The following TMEM178A variants were observed in gnomAD, a reference collection of about 807,000 sequenced individuals.
TMEM178A encodes transmembrane protein 178.
Under a neutral mutation model 29.1 loss-of-function variants are expected in TMEM178A, and 12 were observed. The observed-to-expected ratio is 0.41, with a 90% CI of 0.26 to 0.67. The LOEUF is 0.67. TMEM178A is among the 30% of genes least tolerant of loss of function. TMEM178A has a pLI of 0.29. For missense variants in TMEM178A, 366 were observed against 419.1 expected (o/e 0.87, Z 1.11); for synonymous variants, 210 against 187.2 (o/e 1.12, Z -0.99).
chr2:39,706,942 C>T, intron 2 of TMEM178A, 107 bp from the exon 3 acceptor site: 1 of 1,334,052 alleles, frequency 7.5e-7, no homozygotes, highest in Non-Finnish European at 1.0e-6. Context: ...CTAAGCCTGT[C>T]CATGTAACTT....
intron 1 of TMEM178A, among the ~76,000 whole-genome samples, chr2:39,698,964 G>C (rs1671668824): frequency 6.7e-6 from 1 of 150,222 alleles, no homozygotes; most frequent in Non-Finnish European, 1.5e-5. Context: ...TTTTCACTGT[G>C]TTCTCTTAAG....
At chr2:39,690,091 G>A (rs1671249333) in intron 1 of TMEM178A, among the ~76,000 whole-genome samples, 1 of 152,196 alleles carries the variant, frequency 6.6e-6, no homozygotes, top group Non-Finnish European at 1.5e-5. Context: ...AAGGGGATTG[G>A]CATGTTTGAA....
At chr2:39,692,515 A>G (rs924734855) in intron 1 of TMEM178A, among the ~76,000 whole-genome samples, 2 of 152,258 alleles carry the variant, frequency 1.3e-5, no homozygotes, top group African/African-American at 2.4e-5. Flanking sequence ...AAAATTGGAG[A>G]AAAAAAGACA....
At chr2:39,689,971 C>T (rs1671243608) in intron 1 of TMEM178A, among the ~76,000 whole-genome samples, 1 of 152,146 alleles carries the variant, frequency 6.6e-6, no homozygotes, top group Non-Finnish European at 1.5e-5. Context: ...ACCACCTTGG[C>T]CTGTGATTTT....
intron 3 of TMEM178A, among the ~76,000 whole-genome samples, chr2:39,712,026 T>A (rs1313142784): frequency 7.0e-6 from 1 of 142,974 alleles, no homozygotes; most frequent in African/African-American, 2.5e-5. Context: ...GCTTTTGGGA[T>A]TTAGGAATTG....
the TMEM178A span, among the ~76,000 whole-genome samples, chr2:39,724,901 T>A: frequency 3.8e-4 from 58 of 152,360 alleles, no homozygotes; most frequent in African/African-American, 1.3e-3. Context: ...TACAGGACTC[T>A]GTGGTGACGA....
rs543379742 is a variant in TMEM178A at position 39,704,206 on chromosome 2, C to T, written c.514+12C>T. On this transcript the variant is annotated intron_variant, in intron 2 of 3. Transcript: ENST00000281961. ...GTGGCACCTGCTTCGTAAGTATTTC[C>T]AGGAGAGGTTCAGAGAGGAAATGGT... 1.2e-6 allele frequency: 2 copies of T among 1,608,952 alleles called. No individual in the cohort carries two copies. Among genetic ancestry groups the T allele is most frequent in the Middle Eastern group, 1.7e-4 (1 of 6,056 alleles).
rs1347468585 is a variant in TMEM178A, at chr2:39,681,582, T to C, written c.400+15208T>C. ...TCGAATTGGTGTCTTGATTTGGAAA[T>C]ATGTTTCTTAGAATTTTTTTTTATT... On this transcript the variant is annotated intron_variant, in intron 1 of 3. Coordinates refer to ENST00000281961, the MANE Select transcript of TMEM178A (RefSeq NM_152390.3). Among the ~76,000 whole-genome samples the C allele has an allele frequency of 2.0e-5, 3 of 152,316 alleles. No individual in the cohort carries two copies. In the East Asian group the frequency reaches 5.8e-4, roughly 29 times the overall value.
At chr2:39,735,216 C>G in the TMEM178A span, among the ~76,000 whole-genome samples, 1 of 152,166 alleles carries the variant, frequency 6.6e-6, no homozygotes, top group Non-Finnish European at 1.5e-5. Context: ...AATCTCTCAT[C>G]CTTTATCCGC....
At chr2:39,682,142 C>T (rs906867091) in intron 1 of TMEM178A, among the ~76,000 whole-genome samples, 1 of 152,122 alleles carries the variant, frequency 6.6e-6, no homozygotes, top group Non-Finnish European at 1.5e-5. Context: ...ATGAGTTTTC[C>T]AAATAGCTAA....
At chr2:39,709,015 C>T (rs1437563033) in intron 3 of TMEM178A, among the ~76,000 whole-genome samples, 3 of 152,200 alleles carry the variant, frequency 2.0e-5, no homozygotes, top group Non-Finnish European at 4.4e-5. Flanking sequence ...AGGCTTATTT[C>T]CACTTGCTTG....
Position 39,666,271 on chromosome 2 carries a change from G to A in TMEM178A, c.297G>A (p.Leu99=), listed in dbSNP as rs1287400674. The A allele has an allele frequency of 2.9e-6, 4 of 1,392,394 alleles. No homozygotes were observed. Among genetic ancestry groups the A allele is most frequent in the Non-Finnish European group, 1.9e-6 (2 of 1,072,280 alleles). 86.3% of individuals were successfully genotyped at this position (1,392,394 alleles called of 1,614,324 possible). The change falls in exon 1 of 4, where the codon CTG becomes CTA. Residue 99 remains leucine, a synonymous_variant. Transcript: ENST00000281961. ...SWRSLLGLGG[L]DAECGRPLFA... is the part of the protein sequence containing the mutation. ...GCTCGCTCCTGGGGCTCGGCGGGCT[G>A]GACGCCGAGTGCGGCCGGCCCCTCT...
At chr2:39,691,908 A>G (rs1020469620) in intron 1 of TMEM178A, among the ~76,000 whole-genome samples, 3 of 151,700 alleles carry the variant, frequency 2.0e-5, no homozygotes, top group Non-Finnish European at 4.4e-5. Context: ...ATGGAATATT[A>G]TTTAGGTTGC....
intron 1 of TMEM178A, among the ~76,000 whole-genome samples, chr2:39,703,383 G>A (rs1258454702): frequency 6.6e-6 from 1 of 152,132 alleles, no homozygotes; most frequent in African/African-American, 2.4e-5. Context: ...GGTGTGAGGA[G>A]GTGGAGAGTG....
chr2:39,706,957 A>AT, intron 2 of TMEM178A, 92 bp from the exon 3 acceptor site: 3 of 1,457,416 alleles, frequency 2.1e-6, no homozygotes, highest in Non-Finnish European at 2.8e-6. Context: ...TAACTTACTA[A>AT]TTTTCACAAT....
chr2:39,691,490 T>G (rs1284588064), intron 1 of TMEM178A, among the ~76,000 whole-genome samples: 1 of 152,184 alleles, frequency 6.6e-6, no homozygotes, highest in East Asian at 1.9e-4. Flanking sequence ...AAAAGGTAAG[T>G]GTTGGCAAGC....
intron 1 of TMEM178A, among the ~76,000 whole-genome samples, chr2:39,702,218 T>G (rs979805133): frequency 6.6e-6 from 1 of 152,224 alleles, no homozygotes; most frequent in African/African-American, 2.4e-5. Flanking sequence ...TGTTGTTCCT[T>G]TAGTGACTTT....
intron 2 of TMEM178A, among the ~76,000 whole-genome samples, chr2:39,705,891 C>T (rs1672009891): frequency 6.6e-6 from 1 of 152,138 alleles, no homozygotes; most frequent in Non-Finnish European, 1.5e-5. Flanking sequence ...AGACCTGTTA[C>T]CTGGCCTTGG....
intron 1 of TMEM178A, among the ~76,000 whole-genome samples, chr2:39,670,647 G>T (rs1293663852): frequency 1.3e-5 from 2 of 152,240 alleles, no homozygotes; most frequent in African/African-American, 4.8e-5. Context: ...AGACAGGACA[G>T]ATGGAAGCAG....
Sources: allele counts gnomAD v4.1 joint callset (sites outside exome capture counted in the v4.1 genomes callset), GRCh38; gene constraint gnomAD v4.1.1; transcripts MANE v1.5; gene names NCBI Gene and HGNC (gene_info 2026-07-23, HGNC 2026-07-21).